The following CHRNA7 variants were observed in gnomAD, a reference collection of about 807,000 sequenced individuals.
The protein encoded by CHRNA7 is cholinergic receptor nicotinic alpha 7 subunit, also known as neuronal acetylcholine receptor subunit alpha-7.
CHRNA7 carries 17 observed loss-of-function variants against 48.0 expected under a neutral mutation model. The ratio of observed to expected loss-of-function variants is 0.35; its 90% CI spans 0.24 to 0.53. CHRNA7 has a LOEUF of 0.53. CHRNA7 is among the 20% of genes least tolerant of loss of function. The pLI, the probability that CHRNA7 is intolerant of heterozygous loss-of-function variation, is 0.92. For missense variants in CHRNA7, 155 were observed against 577.7 expected, an observed-to-expected ratio of 0.27 and a Z score of 7.50; for synonymous variants, 75 against 242.3, an observed-to-expected ratio of 0.31 and a Z score of 6.41.
rs772019707 is a variant in CHRNA7, at chr15:32,049,336, TG to T, written c.195+18302del. Among the ~76,000 whole-genome samples, 509 of 152,204 alleles carry T rather than the reference TG, an allele frequency of 3.3e-3. 4 individuals are homozygous for T. The highest frequency in any genetic ancestry group is 8.3e-3 in the South Asian group (40 of 4,816). On this transcript the variant is annotated intron_variant, in intron 2 of 9. Transcript: ENST00000306901. Reference sequence around the variant, plus strand: ...TTTATGAATCTGGGTGCTCCTGTATTGGGTGCATATATATTTAGGAAAGTTA... The same window carrying T: ...TTTATGAATCTGGGTGCTCCTGTATTGGTGCATATATATTTAGGAAAGTTA...
In CHRNA7 at chr15:32,030,663, C is replaced by T. The variant is rs1385758413; in HGVS notation, c.55+14C>T. Reference sequence around the variant, plus strand: ...CGCTCCTGCACGGTAAAGCCACTGCCTCCCCGCCCTCCACTCCTCCGTGGG... The same window carrying T: ...CGCTCCTGCACGGTAAAGCCACTGCTTCCCCGCCCTCCACTCCTCCGTGGG... On this transcript the variant is annotated intron_variant, in intron 1 of 9. Coordinates refer to ENST00000306901, the MANE Select transcript of CHRNA7 (RefSeq NM_000746.6). 1.9e-6 allele frequency: 3 copies of T among 1,568,774 alleles called. No individual in the cohort carries two copies. Among genetic ancestry groups the T allele is most frequent in the African/African-American group, 2.8e-5 (2 of 72,328 alleles).
intron 2 of CHRNA7, among the ~76,000 whole-genome samples, chr15:32,040,693 A>G (rs1415388735): frequency 1.3e-5 from 2 of 151,922 alleles, no homozygotes; most frequent in African/African-American, 2.4e-5. Flanking sequence ...GTTACTTTGA[A>G]CAAACTGTTA....
chr15:32,113,917 C>G (rs2050805453), intron 4 of CHRNA7, among the ~76,000 whole-genome samples: 1 of 151,038 alleles, frequency 6.6e-6, no homozygotes, highest in Admixed American at 6.6e-5. Flanking sequence ...GTAGTGCCAG[C>G]TACTCAGGAG....
Position 32,123,978 on chromosome 15 carries a change from A to T in CHRNA7, c.350+12079A>T, listed in dbSNP as rs574164284. Reference sequence around the variant, plus strand: ...GAAAATCTGGCCAAAAAAAAAAAAAAAAAACAGCCTACAAAAAACCAGAAA... The same window carrying T: ...GAAAATCTGGCCAAAAAAAAAAAAATAAAACAGCCTACAAAAAACCAGAAA... On this transcript the variant is annotated intron_variant, in intron 4 of 9. Coordinates refer to ENST00000306901, the MANE Select transcript of CHRNA7 (RefSeq NM_000746.6). 2.6e-5 allele frequency among the ~76,000 whole-genome samples: 4 copies of T among 151,778 alleles called. 1 individual carries two copies. Among genetic ancestry groups the T allele is most frequent in the African/African-American group, 9.7e-5 (4 of 41,426 alleles).
At chr15:32,104,790 C>T (rs2050634689) in intron 3 of CHRNA7, among the ~76,000 whole-genome samples, 1 of 152,190 alleles carries the variant, frequency 6.6e-6, no homozygotes, top group Admixed American at 6.5e-5. Context: ...TAAGGCCAGG[C>T]TCCGGAGAAT....
intron 2 of CHRNA7, among the ~76,000 whole-genome samples, chr15:32,063,340 G>A (rs1471942820): frequency 2.0e-5 from 3 of 152,084 alleles, no homozygotes; most frequent in Admixed American, 6.6e-5. Context: ...TTTCAGATAC[G>A]CTGTCCATAG....
In CHRNA7 at chr15:32,170,656, TAAGG is replaced by T. The variant is rs2052401779; in HGVS notation, c.*2201_*2204del. 8.0e-6 allele frequency: 1 copy of T among 124,852 alleles called. No homozygotes were observed. The highest frequency in any genetic ancestry group is 1.8e-5 in the Non-Finnish European group (1 of 55,462). The allele number at this position is 124,852 out of a possible 1,614,324, so 7.7% of individuals were successfully genotyped here. ...TCTCTGTCCTTTAATAAAGTAATAA[TAAGG>T]AATAGATGTGCACATAGTTAGAAAA... On this transcript the variant is annotated 3_prime_UTR_variant, in exon 10 of 10. Coordinates refer to ENST00000306901, the MANE Select transcript of CHRNA7 (RefSeq NM_000746.6).
chr15:32,044,253 C>CTCCCTCCTTCCTTCCT (rs1555373124), intron 2 of CHRNA7, among the ~76,000 whole-genome samples: 1 of 140,918 alleles, frequency 7.1e-6, no homozygotes, highest in Non-Finnish European at 1.5e-5. Flanking sequence ...CGATCTTTTC[C>CTCCCTCCTTCCTTCCT]TCCTTCCTTC....
Position 32,168,954 on chromosome 15 carries a change from C to G in CHRNA7, c.*496C>G, listed in dbSNP as rs1255299640. 7.8e-6 allele frequency: 1 copy of G among 128,560 alleles called. No individual in the cohort carries two copies. The highest frequency in any genetic ancestry group is 1.7e-5 in the Non-Finnish European group (1 of 60,414). The allele number at this position is 128,560 out of a possible 1,614,324, so 8.0% of individuals were successfully genotyped here. A position where few individuals can be genotyped will look rare whatever the true frequency, so the allele number is the denominator to read the frequency against. On this transcript the variant is annotated 3_prime_UTR_variant, in exon 10 of 10. Transcript: ENST00000306901. ...AAAAACTAAAAACCTCTTAGCTTTT[C>G]TGCAATTCAACTTTTTATTTTTATT...
intron 3 of CHRNA7, chr15:32,102,518 G>A (rs199537911): frequency 1.8e-4 from 28 of 152,182 alleles, no homozygotes; most frequent in East Asian, 1.5e-3. Context: ...CCTTTACACC[G>A]TAAGTATTAA....
chr15:32,038,773 G>A (rs754028605), intron 2 of CHRNA7, among the ~76,000 whole-genome samples: 1 of 152,148 alleles, frequency 6.6e-6, no homozygotes, highest in Non-Finnish European at 1.5e-5. Context: ...GGGTAATGCA[G>A]GCCTCATAGA....
intron 2 of CHRNA7, among the ~76,000 whole-genome samples, chr15:32,090,226 G>A (rs2050361903): frequency 2.0e-5 from 3 of 152,152 alleles, no homozygotes; most frequent in Admixed American, 2.0e-4. Flanking sequence ...CCCTAGCAGG[G>A]ATAAGCTCTG....
Position 32,030,532 on chromosome 15 carries a change from C to G in CHRNA7, c.-63C>G. On this transcript the variant is annotated 5_prime_UTR_variant, in exon 1 of 10. Coordinates refer to ENST00000306901, the MANE Select transcript of CHRNA7 (RefSeq NM_000746.6). ...GGCGAGGTGCCTCTGTGGCCGCAGG[C>G]GCAGGCCCGGGCGACAGCCGAGACG... 7.2e-7 allele frequency: 1 copy of G among 1,381,552 alleles called. No homozygotes were observed. The highest frequency in any genetic ancestry group is 9.3e-7 in the Non-Finnish European group (1 of 1,073,002). The allele number at this position is 1,381,552 out of a possible 1,614,324, so 85.6% of individuals were successfully genotyped here.
At chr15:32,095,425 A>G (rs960383454) in intron 2 of CHRNA7, among the ~76,000 whole-genome samples, 36 of 152,212 alleles carry the variant, frequency 2.4e-4, no homozygotes, top group Non-Finnish European at 2.4e-4. Flanking sequence ...TAATTCACTT[A>G]ATATAATAAG....
intron 8 of CHRNA7, chr15:32,162,323 TTAC>T (rs1261376662): frequency 6.6e-6 from 1 of 152,356 alleles, no homozygotes; most frequent in Non-Finnish European, 1.5e-5. Context: ...AACTCTCTAA[TTAC>T]TTGGCTGGTT....
intron 4 of CHRNA7, among the ~76,000 whole-genome samples, chr15:32,129,679 T>G (rs1164962827): frequency 6.6e-6 from 1 of 151,960 alleles, no homozygotes; most frequent in Non-Finnish European, 1.5e-5. Context: ...GATTTTCATT[T>G]CATTGATTTT....
At chr15:32,114,041 T>TGTATATATATATATACACAC (rs2050813683) in intron 4 of CHRNA7, among the ~76,000 whole-genome samples, 3 of 70,256 alleles carry the variant, frequency 4.3e-5, no homozygotes, top group South Asian at 6.4e-4. Context: ...TATATATATA[T>TGTATATATATATATACACAC]ATGTATATAT....
At chr15:32,133,985 G>T (rs1408449704) in intron 4 of CHRNA7, among the ~76,000 whole-genome samples, 1 of 152,162 alleles carries the variant, frequency 6.6e-6, no homozygotes, top group Non-Finnish European at 1.5e-5. Flanking sequence ...TTGAGACATG[G>T]GTTTTCTGCA....
In CHRNA7 at chr15:32,169,135, A is replaced by G. The variant is rs2052339691; in HGVS notation, c.*677A>G. The G allele has an allele frequency of 7.4e-6, 1 of 135,204 alleles. No homozygotes were observed. The highest frequency in any genetic ancestry group is 2.7e-5 in the African/African-American group (1 of 36,712). 8.4% of individuals were successfully genotyped at this position (135,204 alleles called of 1,614,324 possible). The stretch of plus-strand genomic sequence containing the variant: ...CCTGTCAAGGAGATCAAAGGGACGC[A>G]GGTTTCTGTTTATTCTGAACAAGGG... On this transcript the variant is annotated 3_prime_UTR_variant, in exon 10 of 10. Coordinates refer to ENST00000306901, the MANE Select transcript of CHRNA7 (RefSeq NM_000746.6).
Sources: gnomAD v4.1 joint callset for allele counts (sites outside exome capture counted in the v4.1 genomes callset) on GRCh38, gnomAD v4.1.1 for gene constraint, MANE v1.5 for transcripts, NCBI Gene and HGNC (gene_info 2026-07-23, HGNC 2026-07-21) for gene names.